Variants in PREX2 observed in about 807,000 individuals in gnomAD.
The protein encoded by PREX2 is phosphatidylinositol-3,4,5-trisphosphate dependent Rac exchange factor 2.
A neutral mutation model predicts 203.2 loss-of-function variants in PREX2; 107 were observed. That is an observed-to-expected ratio of 0.53 (90% CI 0.45 to 0.62). The LOEUF is 0.62. Ranked by LOEUF, PREX2 falls within the 20% of genes least tolerant of loss-of-function variation. PREX2 has a pLI of 0.00. For synonymous variants in PREX2, 672 were observed against 663.6 expected (o/e 1.01, Z -0.19); for missense variants, 1,777 against 1,955.9 (o/e 0.91, Z 1.72).
intron 37 of PREX2, among the ~76,000 whole-genome samples, chr8:68,202,952 A>G (rs932064058): frequency 1.3e-5 from 2 of 152,140 alleles, no homozygotes; most frequent in Non-Finnish European, 2.9e-5. Context: ...GATAAAGCAT[A>G]AAATTTACCC....
At chr8:68,029,300 A>G (rs1807814531) in intron 5 of PREX2, among the ~76,000 whole-genome samples, 1 of 152,026 alleles carries the variant, frequency 6.6e-6, no homozygotes, top group Non-Finnish European at 1.5e-5. Context: ...CTCCTTAGAT[A>G]ATTGGACTCC....
Position 68,075,135 on chromosome 8 carries a change from C to G in PREX2, c.1570-2262C>G, listed in dbSNP as rs1809307020. Reference sequence around the variant, plus strand: ...GCTTCTTCACATCCATGCGGTCTTACTGTGCTTTTTCTAAATGCTCACCAG... The same window carrying G: ...GCTTCTTCACATCCATGCGGTCTTAGTGTGCTTTTTCTAAATGCTCACCAG... On this transcript the variant is annotated intron_variant, in intron 14 of 39. Coordinates refer to ENST00000288368, the MANE Select transcript of PREX2 (RefSeq NM_024870.4). Among the ~76,000 whole-genome samples the G allele has an allele frequency of 2.0e-5, 3 of 152,150 alleles. No individual in the cohort carries two copies. In the South Asian group the frequency reaches 6.2e-4, roughly 32 times the overall value.
intron 21 of PREX2, among the ~76,000 whole-genome samples, chr8:68,096,670 A>G (rs1810085787): frequency 6.6e-6 from 1 of 152,134 alleles, no homozygotes. Flanking sequence ...CATTCGAGGC[A>G]GTTTTAGAAA....
intron 11 of PREX2, among the ~76,000 whole-genome samples, chr8:68,062,067 A>C (rs1001818142): frequency 2.0e-5 from 3 of 152,130 alleles, no homozygotes; most frequent in African/African-American, 7.2e-5. Flanking sequence ...TTCTTATCAC[A>C]CTGGGTGTTG....
At chr8:68,149,987 T>C (rs547045820) in intron 34 of PREX2, among the ~76,000 whole-genome samples, 1 of 152,328 alleles carries the variant, frequency 6.6e-6, no homozygotes, top group African/African-American at 2.4e-5. Flanking sequence ...TATTTCTGCA[T>C]GTTAGGTTGT....
intron 1 of PREX2, among the ~76,000 whole-genome samples, chr8:68,015,780 A>G (rs1460986921): frequency 1.3e-5 from 2 of 152,228 alleles, no homozygotes; most frequent in Non-Finnish European, 2.9e-5. Context: ...AACTAAAGCA[A>G]AAAATTAAAC....
At position 68,224,397 on chromosome 8, in the gene PREX2, G is replaced by A. The variant is rs1028597010; in HGVS notation, c.4708-162G>A. Among the ~76,000 whole-genome samples, 5 of 152,154 alleles carry A rather than the reference G, an allele frequency of 3.3e-5. No homozygotes were observed. In the South Asian group the frequency reaches 6.2e-4, roughly 19 times the overall value. ...ACAGCACATTTTTATTAAAAGCATT[G>A]ATTTTGAAAATGCTCAGACAGCGAT... On this transcript the variant is annotated intron_variant, in intron 38 of 39. Coordinates refer to ENST00000288368, the MANE Select transcript of PREX2 (RefSeq NM_024870.4).
At chr8:68,002,978 CT>C (rs1290868493) in intron 1 of PREX2, among the ~76,000 whole-genome samples, 1 of 152,146 alleles carries the variant, frequency 6.6e-6, no homozygotes, top group African/African-American at 2.4e-5. Context: ...AGAAAGCTCT[CT>C]GGAGGATTGG....
chr8:68,035,235 T>C lies in PREX2; in HGVS notation c.706-2924T>C, dbSNP rs1306168681. Among the ~76,000 whole-genome samples, 4 of 152,168 alleles carry C rather than the reference T, an allele frequency of 2.6e-5. No individual in the cohort carries two copies. In the East Asian group the frequency reaches 5.8e-4, roughly 22 times the overall value. ...TTTCATAGTATTTTTTAAAGATTTA[T>C]CTTTGTAAGAATGTTCAAATGCTTC... On this transcript the variant is annotated intron_variant, in intron 6 of 39. Coordinates refer to ENST00000288368, the MANE Select transcript of PREX2 (RefSeq NM_024870.4).
chr8:68,066,793 AATT>A (rs1347706363), intron 11 of PREX2, among the ~76,000 whole-genome samples: 1 of 152,064 alleles, frequency 6.6e-6, no homozygotes, highest in African/African-American at 2.4e-5. Context: ...CCTCTCCAAA[AATT>A]ATTGCCAAGA....
At chr8:67,991,986 C>T (rs1223016725) in intron 1 of PREX2, among the ~76,000 whole-genome samples, 1 of 152,204 alleles carries the variant, frequency 6.6e-6, no homozygotes, top group Non-Finnish European at 1.5e-5. Flanking sequence ...TGTTTTTCAT[C>T]CTTGTTCACG....
intron 23 of PREX2, chr8:68,103,581 C>T (rs774307766): frequency 3.9e-6 from 2 of 519,044 alleles, no homozygotes. Context: ...AAAAGGCTGT[C>T]TATACCTGCT....
At chr8:68,060,396 A>G (rs1808811534) in intron 10 of PREX2, among the ~76,000 whole-genome samples, 2 of 152,162 alleles carry the variant, frequency 1.3e-5, no homozygotes, top group Admixed American at 6.5e-5. Flanking sequence ...CTACTCTAAA[A>G]TTTTCACTTT....
intron 7 of PREX2, among the ~76,000 whole-genome samples, chr8:68,041,993 G>A (rs913362719): frequency 6.6e-6 from 1 of 152,070 alleles, no homozygotes; most frequent in African/African-American, 2.4e-5. Flanking sequence ...ATCAAATACA[G>A]AGTGGTTAGA....
chr8:68,022,131 A>G lies in PREX2; in HGVS notation c.432A>G (p.Thr144=). The change falls in exon 4 of 40, where the codon ACA becomes ACG. Residue 144 remains threonine, a synonymous_variant. Transcript: ENST00000288368. ...LELNKIRTIR[T]FLLNCMLLGG... ...TCAACAAAATAAGAACAATCCGGAC[A>G]TTTCTTTTGGTAAGTGTATATTTAT... 6.6e-7 allele frequency: 1 copy of G among 1,508,250 alleles called. No homozygotes were observed. 93.4% of individuals were successfully genotyped at this position (1,508,250 alleles called of 1,614,324 possible). A position where few individuals can be genotyped will look rare whatever the true frequency, so the allele number is the denominator to read the frequency against.
At chr8:68,079,458 T>A (rs1809447420) in intron 15 of PREX2, among the ~76,000 whole-genome samples, 1 of 152,232 alleles carries the variant, frequency 6.6e-6, no homozygotes, top group South Asian at 2.1e-4. Context: ...GCCCCCACTT[T>A]ACAGATGAGG....
chr8:68,061,544 A>G (rs1461038817), intron 11 of PREX2, among the ~76,000 whole-genome samples: 1 of 152,138 alleles, frequency 6.6e-6, no homozygotes, highest in Non-Finnish European at 1.5e-5. Context: ...CTCCGTGGGC[A>G]TGAAAAAACC....
intron 1 of PREX2, among the ~76,000 whole-genome samples, chr8:68,000,873 G>A (rs1806917752): frequency 6.6e-6 from 1 of 152,176 alleles, no homozygotes; most frequent in African/African-American, 2.4e-5. Flanking sequence ...TCAATAAATG[G>A]TGCTAGGATA....
chr8:68,115,570 C>T (rs1478564881), intron 25 of PREX2, among the ~76,000 whole-genome samples, 183 bp from the exon 26 acceptor site: 2 of 147,902 alleles, frequency 1.4e-5, no homozygotes, highest in East Asian at 3.8e-4. Context: ...GTTTGTATGA[C>T]TTATTTTGTG....
Sources: allele counts gnomAD v4.1 joint callset (sites outside exome capture counted in the v4.1 genomes callset), GRCh38; gene constraint gnomAD v4.1.1; transcripts MANE v1.5; gene names NCBI Gene and HGNC (gene_info 2026-07-23, HGNC 2026-07-21).